KLHL2: variants seen among roughly 807,000 people sequenced by gnomAD.
KLHL2 encodes the protein kelch-like protein 2.
In KLHL2, 15 loss-of-function variants were observed where a neutral mutation model predicts 75.8. That is an observed-to-expected ratio of 0.20 (90% CI 0.13 to 0.30). The LOEUF is 0.30. Ranked by LOEUF, KLHL2 falls within the 10% of genes least tolerant of loss-of-function variation. The pLI, the probability that KLHL2 is intolerant of heterozygous loss-of-function variation, is 1.00. For missense variants in KLHL2, 381 were observed against 741.0 expected, an observed-to-expected ratio of 0.51 and a Z score of 5.64; for synonymous variants, 214 against 251.9, an observed-to-expected ratio of 0.85 and a Z score of 1.42.
At chr4:165,299,284 T>C (rs891326648) in intron 7 of KLHL2, among the ~76,000 whole-genome samples, 2 of 152,204 alleles carry the variant, frequency 1.3e-5, no homozygotes, top group Non-Finnish European at 2.9e-5. Context: ...GGTTCTTCTT[T>C]TTATTACCTA....
At chr4:165,247,500 G>A (rs1271035904) in intron 4 of KLHL2, among the ~76,000 whole-genome samples, 5 of 152,078 alleles carry the variant, frequency 3.3e-5, no homozygotes, top group Non-Finnish European at 7.4e-5. Context: ...GTAGAAAAGC[G>A]AAAGTTGATG....
intron 5 of KLHL2, among the ~76,000 whole-genome samples, chr4:165,283,453 C>G (rs1743845727): frequency 1.3e-5 from 2 of 152,216 alleles, no homozygotes; most frequent in African/African-American, 4.8e-5. Context: ...AACAAAGGGG[C>G]TACTGGCCCC....
At chr4:165,240,185 A>T (rs1353878220) in intron 4 of KLHL2, among the ~76,000 whole-genome samples, 2 of 152,208 alleles carry the variant, frequency 1.3e-5, no homozygotes, top group Admixed American at 1.3e-4. Flanking sequence ...ATTCCTTCTA[A>T]CAGGGACACT....
In KLHL2 at chr4:165,317,862, G is replaced by A. The variant is rs746244425; in HGVS notation, c.1646G>A (p.Gly549Glu). The A allele has an allele frequency of 6.2e-7, 1 of 1,613,564 alleles. No homozygotes were observed. Among genetic ancestry groups the A allele is most frequent in the Non-Finnish European group, 8.5e-7 (1 of 1,179,704 alleles). The change falls in exon 14 of 15, where the codon GGA becomes GAA. Residue 549 changes from glycine to glutamate, a missense_variant. This residue lies in a region of KLHL2 where 168 missense variants were observed against 370.4 expected (regional missense o/e 0.45). Transcript: ENST00000226725. ...CAVNGLLYVV[G>E]GDDGSCNLAS... ...GTTAATGGTCTGTTATATGTTGTTGGAGGGGATGATGGTTCCTGTAACTTG... is the reference window on the plus strand; with the variant it reads ...GTTAATGGTCTGTTATATGTTGTTGAAGGGGATGATGGTTCCTGTAACTTG...
intron 1 of KLHL2, chr4:165,210,230 GTC>G: frequency 6.7e-7 from 1 of 1,501,398 alleles, no homozygotes; most frequent in Non-Finnish European, 9.1e-7. Flanking sequence ...TTGAATGCCT[GTC>G]TCTGCCTGGC....
chr4:165,294,219 G>A (rs891822348), intron 5 of KLHL2, 140 bp from the exon 6 acceptor site: 2 of 571,074 alleles, frequency 3.5e-6, no homozygotes, highest in Admixed American at 6.0e-5. Context: ...GGTTTGTCTT[G>A]TTAGTTCTTG....
intron 1 of KLHL2, among the ~76,000 whole-genome samples, chr4:165,212,405 A>ATTCT (rs1012905379): frequency 6.6e-6 from 1 of 152,160 alleles, no homozygotes; most frequent in African/African-American, 2.4e-5. Flanking sequence ...GCATTCTTGA[A>ATTCT]TTCTTCCCCT....
At chr4:165,311,876 T>G (rs1746230276) in intron 11 of KLHL2, among the ~76,000 whole-genome samples, 1 of 150,748 alleles carries the variant, frequency 6.6e-6, no homozygotes, top group Non-Finnish European at 1.5e-5. Context: ...GTGTTTGACT[T>G]ATATAACACG....
intron 13 of KLHL2, among the ~76,000 whole-genome samples, chr4:165,315,043 G>GT (rs1746489329): frequency 6.6e-6 from 1 of 152,218 alleles, no homozygotes; most frequent in Admixed American, 6.5e-5. Flanking sequence ...AGTTAATTCT[G>GT]TTTGGCCTTG....
intron 14 of KLHL2, chr4:165,321,482 CAT>C (rs563607078): frequency 0.011 from 3,655 of 324,848 alleles, 34 homozygotes; most frequent in South Asian, 0.017. Context: ...ACATACATAA[CAT>C]ATATTACATG....
intron 3 of KLHL2, among the ~76,000 whole-genome samples, chr4:165,233,745 G>A (rs907918485): frequency 1.2e-4 from 18 of 152,174 alleles, no homozygotes; most frequent in Non-Finnish European, 2.4e-4. Flanking sequence ...TAGACAGTAA[G>A]TAAACACACA....
At chr4:165,277,898 G>C (rs1743268493) in intron 5 of KLHL2, 1 of 842,714 alleles carries the variant, frequency 1.2e-6, no homozygotes, top group Admixed American at 1.7e-5. Context: ...TCTATGAATA[G>C]TGTCATCGCA....
At position 165,291,464 on chromosome 4, in the gene KLHL2, T is replaced by G. The variant is rs147727643; in HGVS notation, c.545-2895T>G. Among the ~76,000 whole-genome samples, 29 of 152,354 alleles carry G rather than the reference T, an allele frequency of 1.9e-4. No individual in the cohort carries two copies. The East Asian group carries it at 4.2e-3, about 22-fold the overall frequency. ...TCTTCTAGAAGCTAAATTTTGTGTT[T>G]TACATTTAAGTTGCTGATCCATTTT... On this transcript the variant is annotated intron_variant, in intron 5 of 14. Coordinates refer to ENST00000226725, the MANE Select transcript of KLHL2 (RefSeq NM_007246.4).
intron 5 of KLHL2, among the ~76,000 whole-genome samples, chr4:165,281,091 A>T (rs1475079970): frequency 6.6e-6 from 1 of 152,176 alleles, no homozygotes; most frequent in Non-Finnish European, 1.5e-5. Context: ...CACTATTCAA[A>T]TGGGACTTTG....
intron 4 of KLHL2, among the ~76,000 whole-genome samples, chr4:165,245,156 G>A (rs1322432483): frequency 6.6e-6 from 1 of 151,828 alleles, no homozygotes; most frequent in South Asian, 2.1e-4. Flanking sequence ...TGCAGTAAAC[G>A]AAGATCGCAC....
intron 8 of KLHL2, among the ~76,000 whole-genome samples, chr4:165,302,947 A>G (rs1393611842): frequency 6.6e-6 from 1 of 152,198 alleles, no homozygotes. Flanking sequence ...CATAATTAGT[A>G]TGGTGTTTCT....
chr4:165,296,180 G>C (rs1241390741), intron 6 of KLHL2, among the ~76,000 whole-genome samples: 1 of 152,202 alleles, frequency 6.6e-6, no homozygotes, highest in Non-Finnish European at 1.5e-5. Flanking sequence ...TAGATCTGGA[G>C]CTTCAGTTCT....
intron 13 of KLHL2, among the ~76,000 whole-genome samples, chr4:165,316,358 C>G (rs2126584207): frequency 6.6e-6 from 1 of 152,260 alleles, no homozygotes; most frequent in South Asian, 2.1e-4. Flanking sequence ...CATCAATAGG[C>G]TGAAATACAG....
chr4:165,209,589 G>A (rs990738608), intron 1 of KLHL2: 1 of 153,956 alleles, frequency 6.5e-6, no homozygotes, highest in African/African-American at 2.4e-5. Flanking sequence ...ACTGACTCTA[G>A]GGTAGATCAG....
Sources: gnomAD v4.1 joint callset for allele counts (sites outside exome capture counted in the v4.1 genomes callset) on GRCh38, gnomAD v4.1.1 for gene constraint, gnomAD v4.1.1 regional missense constraint, MANE v1.5 for transcripts, NCBI Gene and HGNC (gene_info 2026-07-23, HGNC 2026-07-21) for gene names.